Variants in BTLA observed in about 807,000 individuals in gnomAD.
BTLA encodes B- and T-lymphocyte attenuator.
A neutral mutation model predicts 25.0 loss-of-function variants in BTLA; 11 were observed. The observed-to-expected ratio is 0.44, with a 90% CI of 0.28 to 0.73. The LOEUF is 0.73. BTLA is among the 30% of genes least tolerant of loss of function. BTLA has a pLI of 0.15. For synonymous variants in BTLA, 104 were observed against 119.8 expected, an observed-to-expected ratio of 0.87 and a Z score of 0.86; for missense variants, 282 against 332.8, an observed-to-expected ratio of 0.85 and a Z score of 1.19.
At chr3:112,484,870 T>C (rs2082337863) in intron 1 of BTLA, among the ~76,000 whole-genome samples, 2 of 152,278 alleles carry the variant, frequency 1.3e-5, no homozygotes, top group South Asian at 4.1e-4. Flanking sequence ...TTTTCTTGAA[T>C]GGAGGAATGA....
chr3:112,484,714 A>G (rs143685421), intron 1 of BTLA, among the ~76,000 whole-genome samples: 10 of 152,326 alleles, frequency 6.6e-5, no homozygotes, highest in Non-Finnish European at 1.2e-4. Flanking sequence ...CAGTGCGCAA[A>G]GTGGGTTAGG....
chr3:112,499,472 T>TAAA (rs71631393), upstream of BTLA: 450 of 413,800 alleles, frequency 1.1e-3, no homozygotes, highest in Admixed American at 2.3e-3. Flanking sequence ...GTGAAATAAC[T>TAAA]AAAAAAAAAA....
In BTLA at chr3:112,476,832, T is replaced by C. The variant is rs1016252328; in HGVS notation, c.403+2623A>G. Among the ~76,000 whole-genome samples the C allele has an allele frequency of 4.6e-5, 7 of 152,204 alleles. No individual in the cohort carries two copies. The East Asian group carries it at 5.8e-4, about 13-fold the overall frequency. On this transcript the variant is annotated intron_variant, in intron 2 of 4. Coordinates refer to ENST00000334529, the MANE Select transcript of BTLA (RefSeq NM_181780.4). ...AAAAGGAAGCCCTCTACCTATTTAG[T>C]AGTCATGTCACATTCTTTATTTCCT...
chr3:112,487,445 T>C (rs2082354490), intron 1 of BTLA, among the ~76,000 whole-genome samples: 1 of 151,944 alleles, frequency 6.6e-6, no homozygotes, highest in African/African-American at 2.4e-5. Flanking sequence ...ATTAGCTGGG[T>C]ATGGTGGCGC....
chr3:112,469,723 A>G (rs763716479), intron 4 of BTLA, 35 bp downstream of exon 4: 5 of 1,576,294 alleles, frequency 3.2e-6, no homozygotes, highest in Non-Finnish European at 4.3e-6. Flanking sequence ...GTATAACACA[A>G]ATTGCATTTG....
At chr3:112,491,506 A>G (rs1255661201) in intron 1 of BTLA, among the ~76,000 whole-genome samples, 1 of 152,190 alleles carries the variant, frequency 6.6e-6, no homozygotes, top group East Asian at 1.9e-4. Context: ...ATTAGAGAAT[A>G]TAAGCCACTT....
At chr3:112,488,114 T>C (rs2705531) in intron 1 of BTLA, among the ~76,000 whole-genome samples, 37,162 of 152,150 alleles carry the variant, frequency 0.24, 8,156 homozygotes, top group African/African-American at 0.58. Context: ...TTCTGTTTCA[T>C]GTGGATTATT....
Position 112,466,276 on chromosome 3 carries a change from G to A in BTLA, c.702C>T (p.Phe234=). The A allele has an allele frequency of 6.2e-7, 1 of 1,614,058 alleles. No homozygotes were observed. The change falls in exon 5 of 5, where the codon TTC becomes TTT. Residue 234 remains phenylalanine, a synonymous_variant. Coordinates refer to ENST00000334529, the MANE Select transcript of BTLA (RefSeq NM_181780.4). The stretch of plus-strand genomic sequence containing the variant: ...AAACTTCAGACCCTTCCTGCATCCT[G>A]AAACAAAGGTCAGGGTCATTATCAT... ...GIYDNDPDLC[F]RMQEGSEVYS...
At chr3:112,466,453 A>G in intron 4 of BTLA, 70 bp from the exon 5 acceptor site, 1 of 1,396,292 alleles carries the variant, frequency 7.2e-7, no homozygotes, top group African/African-American at 1.4e-5. Context: ...TTAGCAAACT[A>G]TGAATGAAAA....
chr3:112,471,109 T>C (rs1285845297), intron 3 of BTLA, 103 bp downstream of exon 3: 13 of 1,337,290 alleles, frequency 9.7e-6, no homozygotes, highest in East Asian at 5.0e-5. Flanking sequence ...GTTTACAGGA[T>C]TGGGAAAGAA....
intron 2 of BTLA, among the ~76,000 whole-genome samples, chr3:112,478,931 T>G (rs1034431548): frequency 6.6e-6 from 1 of 152,148 alleles, no homozygotes; most frequent in African/African-American, 2.4e-5. Context: ...CTCTGAATAT[T>G]CCCAGAAAAT....
intron 1 of BTLA, among the ~76,000 whole-genome samples, chr3:112,481,073 C>A (rs1375813370): frequency 6.6e-6 from 1 of 152,028 alleles, no homozygotes; most frequent in African/African-American, 2.4e-5. Context: ...GAGAAATAGG[C>A]AAAAATGAGA....
At chr3:112,480,112 T>C (rs1295411844) in intron 1 of BTLA, among the ~76,000 whole-genome samples, 1 of 152,196 alleles carries the variant, frequency 6.6e-6, no homozygotes, top group African/African-American at 2.4e-5. Flanking sequence ...TCCACCATTG[T>C]GATTTGTTTC....
intron 1 of BTLA, among the ~76,000 whole-genome samples, chr3:112,488,065 CA>C (rs766361953): frequency 6.2e-4 from 95 of 152,168 alleles, no homozygotes; most frequent in Admixed American, 6.6e-4. Flanking sequence ...AAATGTCTTC[CA>C]TATTTGTTTC....
rs1471434522 is a variant in BTLA, at chr3:112,466,955, CTTCTTTTTT to C, written c.595-581_595-573del. Among the ~76,000 whole-genome samples, 186 of 141,674 alleles carry C rather than the reference CTTCTTTTTT, an allele frequency of 1.3e-3. 1 individual carries two copies. The highest frequency in any genetic ancestry group is 1.3e-3 in the Non-Finnish European group (88 of 65,556). 92.9% of individuals were successfully genotyped at this position (141,674 alleles called of 152,430 possible). A position where few individuals can be genotyped will look rare whatever the true frequency, so the allele number is the denominator to read the frequency against. On this transcript the variant is annotated intron_variant, in intron 4 of 4. Coordinates refer to ENST00000334529, the MANE Select transcript of BTLA (RefSeq NM_181780.4). ...TTGTTATTCCTATCAAAAGAAAATT[CTTCTTTTTT>C]TTTTTTTTTTTTGAGACGGAGTCTT...
chr3:112,485,323 G>A (rs766578994), intron 1 of BTLA, among the ~76,000 whole-genome samples: 2 of 152,134 alleles, frequency 1.3e-5, no homozygotes, highest in African/African-American at 2.4e-5. Flanking sequence ...GGGATTACAG[G>A]AGTGAGCCAC....
intron 1 of BTLA, among the ~76,000 whole-genome samples, chr3:112,483,285 A>T (rs2082327793): frequency 6.7e-6 from 1 of 150,308 alleles, no homozygotes; most frequent in African/African-American, 2.5e-5. Flanking sequence ...GGTAACTGGG[A>T]TTACAGGCGC....
chr3:112,489,685 C>T (rs1427998509), intron 1 of BTLA, among the ~76,000 whole-genome samples: 1 of 152,134 alleles, frequency 6.6e-6, no homozygotes, highest in Non-Finnish European at 1.5e-5. Context: ...GTGACATCAA[C>T]CAGGATTTTA....
Position 112,484,595 on chromosome 3 carries a change from C to T in BTLA, c.89-4826G>A, listed in dbSNP as rs533248473. On this transcript the variant is annotated intron_variant, in intron 1 of 4. Transcript: ENST00000334529. ...CACTTCTAGCCTGCAATTTCTATTCCTATCACAATATATTACCTTTCTATT... is the reference window on the plus strand; with the variant it reads ...CACTTCTAGCCTGCAATTTCTATTCTTATCACAATATATTACCTTTCTATT... Among the ~76,000 whole-genome samples, 6 of 152,300 alleles carry T rather than the reference C, an allele frequency of 3.9e-5. No individual in the cohort carries two copies. In the South Asian group the frequency reaches 1.0e-3, roughly 26 times the overall value.
Sources: gnomAD v4.1 joint callset for allele counts (sites outside exome capture counted in the v4.1 genomes callset) on GRCh38, gnomAD v4.1.1 for gene constraint, MANE v1.5 for transcripts, NCBI Gene and HGNC (gene_info 2026-07-23, HGNC 2026-07-21) for gene names.